Variants in TYW1 observed in about 807,000 individuals in gnomAD.
The protein encoded by TYW1 is S-adenosyl-L-methionine-dependent tRNA 4-demethylwyosine synthase TYW1.
A neutral mutation model predicts 96.2 loss-of-function variants in TYW1; 46 were observed. That is an observed-to-expected ratio of 0.48 (90% CI 0.38 to 0.61). The LOEUF is 0.61. TYW1 is among the 20% of genes least tolerant of loss of function. The pLI is 0.00. For missense variants in TYW1, 684 were observed against 909.6 expected, an observed-to-expected ratio of 0.75 and a Z score of 3.19; for synonymous variants, 274 against 323.0, an observed-to-expected ratio of 0.85 and a Z score of 1.63.
intron 12 of TYW1, among the ~76,000 whole-genome samples, chr7:67,110,644 G>A (rs192562831): frequency 7.9e-4 from 120 of 152,246 alleles, no homozygotes; most frequent in African/African-American, 2.9e-3. Context: ...CAAAACCAAA[G>A]TAACCAACCA....
chr7:67,131,114 T>G (rs1798060291), intron 13 of TYW1, among the ~76,000 whole-genome samples: 1 of 151,970 alleles, frequency 6.6e-6, no homozygotes, highest in Non-Finnish European at 1.5e-5. Context: ...GTTTAGTAAT[T>G]GAAAGCTTGG....
chr7:67,119,677 A>G (rs1210726345), intron 13 of TYW1, among the ~76,000 whole-genome samples: 2 of 152,092 alleles, frequency 1.3e-5, no homozygotes, highest in Non-Finnish European at 2.9e-5. Flanking sequence ...ATTAAAAAAC[A>G]CTGTTTTTCT....
intron 13 of TYW1, among the ~76,000 whole-genome samples, chr7:67,131,191 GC>G (rs1798062637): frequency 6.6e-6 from 1 of 151,982 alleles, no homozygotes; most frequent in Admixed American, 6.5e-5. Flanking sequence ...GTAATTTTGG[GC>G]AAGGGACTCA....
At position 67,195,141 on chromosome 7, in the gene TYW1, C is replaced by T. The variant is rs369321894; in HGVS notation, c.1810-29C>T. 3.1e-6 allele frequency: 5 copies of T among 1,606,472 alleles called. No homozygotes were observed. The South Asian group carries it at 5.5e-5, about 18-fold the overall frequency. ...TATGACATGCAGGTAGGTCTGTAGTCATCTCTGATGGTTATACTGTTTCCA... is the reference window on the plus strand; with the variant it reads ...TATGACATGCAGGTAGGTCTGTAGTTATCTCTGATGGTTATACTGTTTCCA... On this transcript the variant is annotated intron_variant, in intron 14 of 15. Transcript: ENST00000359626.
At chr7:67,132,499 T>C (rs1164933034) in intron 13 of TYW1, among the ~76,000 whole-genome samples, 2 of 152,224 alleles carry the variant, frequency 1.3e-5, no homozygotes, top group Non-Finnish European at 2.9e-5. Context: ...TTATATAATA[T>C]TGTAACCCTA....
intron 15 of TYW1, among the ~76,000 whole-genome samples, chr7:67,218,512 A>C (rs937375171): frequency 6.6e-6 from 1 of 151,990 alleles, no homozygotes; most frequent in Admixed American, 6.5e-5. Flanking sequence ...TGCCATCACA[A>C]CTGGCTAATT....
intron 13 of TYW1, among the ~76,000 whole-genome samples, chr7:67,127,481 C>A (rs1285133925): frequency 6.6e-6 from 1 of 152,048 alleles, no homozygotes; most frequent in East Asian, 1.9e-4. Flanking sequence ...ACAAAATAAT[C>A]CTGATTCTTC....
intron 13 of TYW1, among the ~76,000 whole-genome samples, chr7:67,131,398 T>A (rs1798069733): frequency 6.6e-6 from 1 of 152,374 alleles, no homozygotes; most frequent in South Asian, 2.1e-4. Context: ...AGTACCACTA[T>A]AACTATAGTC....
rs1400480611 is a variant in TYW1 at position 67,160,557 on chromosome 7, CATAT to C, written c.1699-22567_1699-22564del. 2.3e-3 allele frequency among the ~76,000 whole-genome samples: 237 copies of C among 105,124 alleles called. 1 individual carries two copies. Among genetic ancestry groups the C allele is most frequent in the Non-Finnish European group, 3.5e-3 (177 of 50,578 alleles). 69.0% of individuals were successfully genotyped at this position (105,124 alleles called of 152,430 possible). ...ACATATACATATACATATACATATA[CATAT>C]ACATATACACACATTTATCTATATA... On this transcript the variant is annotated intron_variant, in intron 13 of 15. Transcript: ENST00000359626.
intron 4 of TYW1, among the ~76,000 whole-genome samples, chr7:67,013,044 T>C (rs369528145): frequency 6.6e-6 from 1 of 151,826 alleles, no homozygotes; most frequent in Non-Finnish European, 1.5e-5. Flanking sequence ...TAAATTACTT[T>C]ATGTTTAAAA....
chr7:67,132,715 C>G (rs984292056), intron 13 of TYW1, among the ~76,000 whole-genome samples: 3 of 152,044 alleles, frequency 2.0e-5, no homozygotes, highest in Non-Finnish European at 2.9e-5. Context: ...AAATAGTAGC[C>G]TCCCTCATTT....
At chr7:67,225,192 A>G (rs1801520919) in intron 15 of TYW1, among the ~76,000 whole-genome samples, 2 of 62,078 alleles carry the variant, frequency 3.2e-5, no homozygotes, top group Admixed American at 1.8e-4. Context: ...CTCCGTCTCA[A>G]AAAAAAAAAA....
At chr7:67,093,134 C>T (rs1796779176) in intron 11 of TYW1, among the ~76,000 whole-genome samples, 1 of 152,068 alleles carries the variant, frequency 6.6e-6, no homozygotes, top group South Asian at 2.1e-4. Context: ...TCACTGCACT[C>T]CAGCCTGGGT....
intron 13 of TYW1, among the ~76,000 whole-genome samples, chr7:67,142,125 TTGTTC>T (rs1467763938): frequency 2.0e-5 from 3 of 152,200 alleles, no homozygotes; most frequent in African/African-American, 7.2e-5. Flanking sequence ...AGACAGGGAC[TTGTTC>T]TGTCGCCCAG....
Position 67,055,889 on chromosome 7 carries a change from T to TA in TYW1, c.1155+3dup. ...GTGAAGCTTTGCAGGTGGACAAAGG[T>TA]ATTTTTTTTGTTTTTATTCAATATG... On this transcript the variant is annotated splice_region_variant and intron_variant, in intron 9 of 15. Transcript: ENST00000359626. 1 of 1,612,372 alleles carries TA rather than the reference T, an allele frequency of 6.2e-7. No homozygotes were observed. The highest frequency in any genetic ancestry group is 8.5e-7 in the Non-Finnish European group (1 of 1,179,142).
chr7:67,119,814 G>A (rs952188959), intron 13 of TYW1, among the ~76,000 whole-genome samples: 2 of 152,012 alleles, frequency 1.3e-5, no homozygotes, highest in African/African-American at 4.8e-5. Context: ...TGGAGACTGG[G>A]TCTTGCTCTG....
chr7:67,159,799 A>ATTTTATTTTAT (rs141173601), intron 13 of TYW1, among the ~76,000 whole-genome samples: 7,278 of 71,134 alleles, frequency 0.1, 405 homozygotes, highest in Admixed American at 0.23. Flanking sequence ...ATTTTATTTT[A>ATTTTATTTTAT]TTTATTTATT....
At chr7:67,231,091 G>A (rs1200912573) in intron 15 of TYW1, among the ~76,000 whole-genome samples, 3 of 151,966 alleles carry the variant, frequency 2.0e-5, no homozygotes, top group Middle Eastern at 3.4e-3. Flanking sequence ...TTATAACCAC[G>A]TGAACACTGT....
At chr7:67,065,024 G>T (rs750477848) in intron 9 of TYW1, among the ~76,000 whole-genome samples, 28 of 152,104 alleles carry the variant, frequency 1.8e-4, no homozygotes, top group Non-Finnish European at 3.7e-4. Context: ...ATGCTTCTAT[G>T]CCTGTGTCTT....
Sources: gnomAD v4.1 joint callset for allele counts (sites outside exome capture counted in the v4.1 genomes callset) on GRCh38, gnomAD v4.1.1 for gene constraint, MANE v1.5 for transcripts, NCBI Gene and HGNC (gene_info 2026-07-23, HGNC 2026-07-21) for gene names.